Variants in MDGA2 observed in about 807,000 individuals in gnomAD.
MDGA2 encodes the protein MAM domain-containing glycosylphosphatidylinositol anchor protein 2.
In MDGA2, 40 loss-of-function variants were observed where a neutral mutation model predicts 117.8. That is an observed-to-expected ratio of 0.34 (90% CI 0.26 to 0.44). The LOEUF (loss-of-function observed/expected upper bound fraction) is 0.44, where lower values mean the gene tolerates loss of function less well. Among genes scored for constraint, MDGA2 ranks in the 20% least tolerant of loss-of-function variants. MDGA2 has a pLI of 1.00. For synonymous variants in MDGA2, 452 were observed against 439.0 expected, an observed-to-expected ratio of 1.03 and a Z score of -0.37; for missense variants, 1,123 against 1,250.6, an observed-to-expected ratio of 0.90 and a Z score of 1.54.
At chr14:47,319,110 T>C (rs1889899695) in intron 1 of MDGA2, among the ~76,000 whole-genome samples, 1 of 152,172 alleles carries the variant, frequency 6.6e-6, no homozygotes, top group African/African-American at 2.4e-5. Context: ...AAAATGCACA[T>C]TATGATTGTA....
At chr14:47,169,152 T>C (rs1301474817) in intron 3 of MDGA2, among the ~76,000 whole-genome samples, 1 of 152,044 alleles carries the variant, frequency 6.6e-6, no homozygotes, top group Non-Finnish European at 1.5e-5. Context: ...AAAGCCACTT[T>C]GCTTTATTTA....
chr14:47,009,709 T>C (rs949032480), intron 8 of MDGA2, among the ~76,000 whole-genome samples: 6 of 152,078 alleles, frequency 3.9e-5, no homozygotes, highest in Admixed American at 3.9e-4. Flanking sequence ...TTGGACATAC[T>C]TACTGAATCA....
intron 6 of MDGA2, among the ~76,000 whole-genome samples, chr14:47,062,581 G>A (rs989925061): frequency 3.3e-5 from 5 of 150,432 alleles, no homozygotes; most frequent in African/African-American, 1.2e-4. Context: ...GGCATACACA[G>A]TGAAACACAA....
chr14:47,066,074 T>C (rs1000183433), intron 6 of MDGA2, among the ~76,000 whole-genome samples: 1 of 152,114 alleles, frequency 6.6e-6, no homozygotes, highest in Non-Finnish European at 1.5e-5. Context: ...AAATAAGCAG[T>C]TGGAAATAGG....
chr14:46,970,829 C>G (rs1236060111), intron 8 of MDGA2, among the ~76,000 whole-genome samples: 1 of 151,784 alleles, frequency 6.6e-6, no homozygotes, highest in African/African-American at 2.4e-5. Context: ...ACAAAGAACC[C>G]AAATAACTCA....
At chr14:47,509,350 A>G (rs2138689589) in intron 1 of MDGA2, among the ~76,000 whole-genome samples, 1 of 152,298 alleles carries the variant, frequency 6.6e-6, no homozygotes, top group South Asian at 2.1e-4. Context: ...GGAGATCATA[A>G]GTGGTTATCC....
chr14:46,898,710 AT>A (rs1191791659), intron 10 of MDGA2, among the ~76,000 whole-genome samples: 1 of 152,112 alleles, frequency 6.6e-6, no homozygotes, highest in Non-Finnish European at 1.5e-5. Flanking sequence ...AGTTAGGAAA[AT>A]AAGAGATTTA....
intron 1 of MDGA2, among the ~76,000 whole-genome samples, chr14:47,344,889 G>C (rs1303368329): frequency 6.6e-6 from 1 of 151,672 alleles, no homozygotes; most frequent in Admixed American, 6.6e-5. Flanking sequence ...GTGTGTGTGT[G>C]TGTTTATGAC....
At chr14:47,435,182 C>A (rs1892873186) in intron 1 of MDGA2, among the ~76,000 whole-genome samples, 1 of 152,044 alleles carries the variant, frequency 6.6e-6, no homozygotes, top group Non-Finnish European at 1.5e-5. Context: ...TATACAACTT[C>A]ACTTTATGTA....
At chr14:47,171,056 G>C (rs1033464253) in intron 3 of MDGA2, among the ~76,000 whole-genome samples, 6 of 152,090 alleles carry the variant, frequency 3.9e-5, no homozygotes, top group African/African-American at 1.4e-4. Flanking sequence ...ATTTGAAAAA[G>C]TAAAGTCATA....
At chr14:47,183,125 T>C (rs1258815753) in intron 3 of MDGA2, among the ~76,000 whole-genome samples, 1 of 152,166 alleles carries the variant, frequency 6.6e-6, no homozygotes, top group Admixed American at 6.6e-5. Context: ...TTCCTCTGCA[T>C]ATGGGCTCAT....
chr14:47,499,480 T>C (rs1271407898), intron 1 of MDGA2, among the ~76,000 whole-genome samples: 1 of 152,152 alleles, frequency 6.6e-6, no homozygotes, highest in East Asian at 1.9e-4. Flanking sequence ...ACAATATACA[T>C]AAACACTGTT....
intron 3 of MDGA2, among the ~76,000 whole-genome samples, chr14:47,214,106 T>G (rs552389162): frequency 6.6e-6 from 1 of 152,054 alleles, no homozygotes; most frequent in South Asian, 2.1e-4. Context: ...CATGATTCAA[T>G]TACCTCCACC....
intron 1 of MDGA2, among the ~76,000 whole-genome samples, chr14:47,620,863 T>C (rs1261078369): frequency 6.6e-6 from 1 of 152,140 alleles, no homozygotes; most frequent in Non-Finnish European, 1.5e-5. Context: ...CGGCACAACA[T>C]CACTTTAATT....
chr14:47,559,861 C>T (rs1384020617), intron 1 of MDGA2, among the ~76,000 whole-genome samples: 1 of 152,120 alleles, frequency 6.6e-6, no homozygotes, highest in Non-Finnish European at 1.5e-5. Context: ...GCATGAGCCA[C>T]CATGCCCAGC....
chr14:47,366,587 A>G (rs1891235523), intron 1 of MDGA2, among the ~76,000 whole-genome samples: 1 of 152,092 alleles, frequency 6.6e-6, no homozygotes, highest in South Asian at 2.1e-4. Context: ...TGCTCTACTA[A>G]TCACTCAATA....
At chr14:47,570,610 C>T (rs1896001472) in intron 1 of MDGA2, among the ~76,000 whole-genome samples, 1 of 152,144 alleles carries the variant, frequency 6.6e-6, no homozygotes, top group African/African-American at 2.4e-5. Flanking sequence ...TACACATCTA[C>T]AACCATCTGA....
intron 1 of MDGA2, among the ~76,000 whole-genome samples, chr14:47,318,814 G>C (rs1032987469): frequency 3.3e-5 from 5 of 151,408 alleles, no homozygotes; most frequent in African/African-American, 9.7e-5. Flanking sequence ...AGGAAAGAAG[G>C]AAGGAAGGAA....
intron 2 of MDGA2, among the ~76,000 whole-genome samples, chr14:47,240,504 A>C (rs1386999824): frequency 6.6e-6 from 1 of 151,880 alleles, no homozygotes; most frequent in African/African-American, 2.4e-5. Context: ...GTATTTTGTC[A>C]GTGTCTGGAA....
Sources: allele counts gnomAD v4.1 joint callset (sites outside exome capture counted in the v4.1 genomes callset), GRCh38; gene constraint gnomAD v4.1.1; transcripts MANE v1.5; gene names NCBI Gene and HGNC (gene_info 2026-07-23, HGNC 2026-07-21).